The following ESRRG variants were observed in gnomAD, a reference collection of about 807,000 sequenced individuals.
The protein encoded by ESRRG is estrogen related receptor gamma.
In ESRRG, 13 loss-of-function variants were observed where a neutral mutation model predicts 44.0. That is an observed-to-expected ratio of 0.30 (90% confidence interval 0.19 to 0.47). The LOEUF is 0.47. Ranked by LOEUF, ESRRG falls within the 20% of genes least tolerant of loss-of-function variation. The pLI, the probability that ESRRG is intolerant of heterozygous loss-of-function variation, is 1.00. For missense variants in ESRRG, 395 were observed against 580.6 expected (o/e 0.68, Z 3.29); for synonymous variants, 215 against 214.6 (o/e 1.00, Z -0.02).
At chr1:216,967,376 C>A (rs1319971588) in intron 1 of ESRRG, among the ~76,000 whole-genome samples, 1 of 152,132 alleles carries the variant, frequency 6.6e-6, no homozygotes. Context: ...AAATCCTCCG[C>A]AGCTCACCTC....
chr1:216,944,240 G>A (rs1294040914), intron 1 of ESRRG, among the ~76,000 whole-genome samples: 4 of 152,090 alleles, frequency 2.6e-5, no homozygotes, highest in East Asian at 3.9e-4. Flanking sequence ...AAACTCTGAC[G>A]GAGGAAGCTT....
intron 1 of ESRRG, among the ~76,000 whole-genome samples, chr1:217,121,320 T>A (rs1426565988): frequency 6.6e-6 from 1 of 152,186 alleles, no homozygotes; most frequent in African/African-American, 2.4e-5. Context: ...AGAGGAACTT[T>A]TGTGCTCTGC....
intron 2 of ESRRG, among the ~76,000 whole-genome samples, chr1:216,901,893 C>T (rs1362423803): frequency 6.6e-6 from 1 of 152,206 alleles, no homozygotes; most frequent in Non-Finnish European, 1.5e-5. Context: ...TCTGGGACTC[C>T]AGGTATGCAC....
At chr1:216,557,607 G>T (rs1018746158) in intron 5 of ESRRG, among the ~76,000 whole-genome samples, 1 of 151,960 alleles carries the variant, frequency 6.6e-6, no homozygotes, top group Non-Finnish European at 1.5e-5. Context: ...GTTTATAAGG[G>T]TCTTTTGTAA....
chr1:216,510,523 T>A (rs2042399220), intron 6 of ESRRG, among the ~76,000 whole-genome samples: 1 of 147,692 alleles, frequency 6.8e-6, no homozygotes, highest in Admixed American at 6.6e-5. Flanking sequence ...ACAGAGCCAC[T>A]GAAAAAGAAG....
At chr1:217,062,658 G>GTCT (rs998487099) in intron 1 of ESRRG, among the ~76,000 whole-genome samples, 47 of 152,168 alleles carry the variant, frequency 3.1e-4, no homozygotes, top group Admixed American at 2.7e-3. Flanking sequence ...AGAGCTTGAG[G>GTCT]TCTTCTCTTT....
At chr1:217,103,577 C>A (rs1292334159) in intron 1 of ESRRG, among the ~76,000 whole-genome samples, 1 of 151,768 alleles carries the variant, frequency 6.6e-6, no homozygotes. Flanking sequence ...AGGATCACTT[C>A]AGCCCAGGCG....
chr1:216,894,729 C>T (rs1197611211), intron 2 of ESRRG, among the ~76,000 whole-genome samples: 1 of 152,064 alleles, frequency 6.6e-6, no homozygotes, highest in African/African-American at 2.4e-5. Flanking sequence ...CACCAGAGAA[C>T]ACGGTCAAGT....
chr1:216,711,328 G>A (rs1478503403), intron 1 of ESRRG, among the ~76,000 whole-genome samples: 3 of 152,154 alleles, frequency 2.0e-5, no homozygotes, highest in African/African-American at 7.2e-5. Context: ...CCAACTCGGG[G>A]AGTTCTGCAG....
intron 5 of ESRRG, among the ~76,000 whole-genome samples, chr1:216,557,669 C>A (rs1378527110): frequency 6.6e-6 from 1 of 151,480 alleles, no homozygotes; most frequent in Non-Finnish European, 1.5e-5. Context: ...AAGCTTAATC[C>A]CATGAAAAAA....
At chr1:216,714,124 A>G (rs1470630251) in intron 1 of ESRRG, among the ~76,000 whole-genome samples, 1 of 152,192 alleles carries the variant, frequency 6.6e-6, no homozygotes, top group Admixed American at 6.5e-5. Flanking sequence ...GTCAGCCTCC[A>G]GTATCCCAAA....
At chr1:216,858,349 AT>A (rs965666794) in intron 2 of ESRRG, among the ~76,000 whole-genome samples, 12 of 152,076 alleles carry the variant, frequency 7.9e-5, no homozygotes, top group Admixed American at 2.6e-4. Context: ...AGGCAGGAGA[AT>A]GGTGTGAACC....
At position 217,133,423 on chromosome 1, in the gene ESRRG, C is replaced by T. The variant is rs546840975; in HGVS notation, c.-230+4244G>A. 6.6e-5 allele frequency among the ~76,000 whole-genome samples: 10 copies of T among 152,374 alleles called. No homozygotes were observed. In the South Asian group the frequency reaches 2.1e-3, roughly 32 times the overall value. On this transcript the variant is annotated intron_variant, in intron 1 of 8. Coordinates refer to the ESRRG transcript ENST00000366940. Reference sequence around the variant, plus strand: ...TTGCCGGAGGTACTGGGAGCCCACGCTCGGGCCTTCTCCAACTTTGGCCAA... The same window carrying T: ...TTGCCGGAGGTACTGGGAGCCCACGTTCGGGCCTTCTCCAACTTTGGCCAA...
intron 2 of ESRRG, among the ~76,000 whole-genome samples, chr1:216,732,149 TA>T (rs66484151): frequency 0.082 from 11,732 of 143,484 alleles, 550 homozygotes; most frequent in South Asian, 0.12. Flanking sequence ...TTTGTCAACA[TA>T]AAAAAAAAAA....
At chr1:216,578,050 T>A (rs2062015900) in intron 3 of ESRRG, among the ~76,000 whole-genome samples, 1 of 152,052 alleles carries the variant, frequency 6.6e-6, no homozygotes, top group Admixed American at 6.6e-5. Context: ...TGTTTGATAA[T>A]ATTTCTCTGG....
chr1:216,835,452 G>A (rs1049228653), intron 2 of ESRRG, among the ~76,000 whole-genome samples: 1 of 152,314 alleles, frequency 6.6e-6, no homozygotes. Flanking sequence ...ACACTGACAC[G>A]GCTGCTGGTA....
intron 2 of ESRRG, among the ~76,000 whole-genome samples, chr1:216,729,299 G>GC (rs915192116): frequency 2.0e-5 from 3 of 152,138 alleles, no homozygotes; most frequent in African/African-American, 7.2e-5. Context: ...CCTCAATAGT[G>GC]CCCCCGTTTG....
intron 2 of ESRRG, among the ~76,000 whole-genome samples, chr1:216,881,049 A>T (rs1020600945): frequency 3.9e-5 from 6 of 152,220 alleles, no homozygotes; most frequent in Admixed American, 3.9e-4. Flanking sequence ...AAAAGAAAAA[A>T]ATGCATAAAT....
chr1:217,089,407 G>A (rs568234168), intron 1 of ESRRG: 3 of 151,642 alleles, frequency 2.0e-5, no homozygotes, highest in African/African-American at 4.8e-5. Context: ...AAGGGGGAAG[G>A]GGGTAGCAAT....
Sources: gnomAD v4.1 joint callset for allele counts (sites outside exome capture counted in the v4.1 genomes callset) on GRCh38, gnomAD v4.1.1 for gene constraint, MANE v1.5 for transcripts, NCBI Gene and HGNC (gene_info 2026-07-23, HGNC 2026-07-21) for gene names.